Variants in STK31 observed in about 807,000 individuals in gnomAD.
The protein encoded by STK31 is serine/threonine-protein kinase 31.
A neutral mutation model predicts 129.7 loss-of-function variants in STK31; 89 were observed. The ratio of observed to expected loss-of-function variants is 0.69; its 90% confidence interval spans 0.58 to 0.82. The LOEUF is 0.82. STK31 is among the 40% of genes least tolerant of loss of function. STK31 has a pLI of 0.00. For missense variants in STK31, 1,187 were observed against 1,176.4 expected, an observed-to-expected ratio of 1.01 and a Z score of -0.13; for synonymous variants, 448 against 395.3, an observed-to-expected ratio of 1.13 and a Z score of -1.58.
intron 16 of STK31, 21 bp from the exon 17 acceptor site, chr7:23,783,562 A>G (rs762580093): frequency 1.3e-6 from 2 of 1,569,664 alleles, no homozygotes; most frequent in Admixed American, 1.8e-5. Context: ...ACAGTTAAAA[A>G]CTTTTTTTTT....
intron 23 of STK31, among the ~76,000 whole-genome samples, chr7:23,831,656 T>G (rs1371882145): frequency 6.6e-6 from 1 of 152,244 alleles, no homozygotes; most frequent in Non-Finnish European, 1.5e-5. Context: ...GTTTCTTATT[T>G]TCTCTCTTAT....
chr7:23,817,031 CA>C (rs1319822885), intron 23 of STK31, among the ~76,000 whole-genome samples: 1 of 151,880 alleles, frequency 6.6e-6, no homozygotes, highest in Non-Finnish European at 1.5e-5. Context: ...ACTAAAAATA[CA>C]AAAAAATTAG....
intron 8 of STK31, among the ~76,000 whole-genome samples, chr7:23,749,899 C>T (rs944521946): frequency 6.6e-6 from 1 of 151,978 alleles, no homozygotes; most frequent in African/African-American, 2.4e-5. Flanking sequence ...TATTTACCTC[C>T]TCCCATGTGG....
At chr7:23,800,965 C>T (rs1792331517) in intron 22 of STK31, among the ~76,000 whole-genome samples, 1 of 152,112 alleles carries the variant, frequency 6.6e-6, no homozygotes, top group Non-Finnish European at 1.5e-5. Context: ...TGTTGCAGAA[C>T]ATTTGCATTG....
rs527284389 is a variant in STK31 at position 23,717,445 on chromosome 7, T to C, written c.151-36T>C. On this transcript the variant is annotated intron_variant, in intron 3 of 23. Coordinates refer to ENST00000355870, the MANE Select transcript of STK31 (RefSeq NM_031414.5). ...AAGCGTGTAACACTGTAAAATAATA[T>C]TTTACTGTATCTTATACTATATCTA... 2.3e-5 allele frequency: 33 copies of C among 1,440,418 alleles called. No homozygotes were observed. In the East Asian group the frequency reaches 6.1e-4, roughly 27 times the overall value. 89.2% of individuals were successfully genotyped at this position (1,440,418 alleles called of 1,614,324 possible).
At chr7:23,725,849 C>T (rs574468950) in intron 4 of STK31, 1 of 152,248 alleles carries the variant, frequency 6.6e-6, no homozygotes, top group Admixed American at 6.5e-5. Context: ...TAAAAAAAGT[C>T]TTTTTGCTTT....
At chr7:23,814,782 A>G (rs1479907238) in intron 22 of STK31, among the ~76,000 whole-genome samples, 1 of 152,064 alleles carries the variant, frequency 6.6e-6, no homozygotes, top group Non-Finnish European at 1.5e-5. Context: ...TCTTGAACAA[A>G]GTTTAGATAT....
At chr7:23,712,369 A>G in intron 3 of STK31, 83 bp downstream of exon 3, 2 of 1,290,926 alleles carry the variant, frequency 1.5e-6, no homozygotes, top group South Asian at 1.2e-5. Flanking sequence ...AAACCCAGGA[A>G]TAAATACATT....
intron 11 of STK31, among the ~76,000 whole-genome samples, chr7:23,766,305 C>T (rs1381842667): frequency 2.0e-5 from 3 of 152,100 alleles, no homozygotes; most frequent in Non-Finnish European, 4.4e-5. Context: ...CTCTTTCACC[C>T]AGGCTGGAGT....
At position 23,746,780 on chromosome 7, in the gene STK31, A is replaced by G. The variant is rs187826581; in HGVS notation, c.1018-5937A>G. Among the ~76,000 whole-genome samples the G allele has an allele frequency of 2.6e-3, 399 of 152,250 alleles. 12 individuals are homozygous for G. In the South Asian group the frequency reaches 0.044, roughly 17 times the overall value. ...TGGTCTTGTCTCACAGGTGACAGAGATGGAAGAGGTGGAGGGATAAATAAG... is the reference window on the plus strand; with the variant it reads ...TGGTCTTGTCTCACAGGTGACAGAGGTGGAAGAGGTGGAGGGATAAATAAG... On this transcript the variant is annotated intron_variant, in intron 8 of 23. Transcript: ENST00000355870.
At chr7:23,825,331 G>A (rs1794068386) in intron 23 of STK31, among the ~76,000 whole-genome samples, 1 of 152,154 alleles carries the variant, frequency 6.6e-6, no homozygotes, top group African/African-American at 2.4e-5. Flanking sequence ...TCTTGGGAGT[G>A]TGTATGTGTC....
chr7:23,770,639 G>C (rs891736653), intron 13 of STK31, among the ~76,000 whole-genome samples: 4 of 152,086 alleles, frequency 2.6e-5, no homozygotes, highest in Admixed American at 2.0e-4. Flanking sequence ...TAGAGAGACA[G>C]TGTCTTGCTC....
At chr7:23,741,743 G>C (rs1009536831) in intron 8 of STK31, among the ~76,000 whole-genome samples, 5 of 152,204 alleles carry the variant, frequency 3.3e-5, no homozygotes, top group Non-Finnish European at 4.4e-5. Context: ...TCTCAGGTGA[G>C]CAGTGTGGAT....
intron 8 of STK31, among the ~76,000 whole-genome samples, chr7:23,750,067 T>TCTCCCCCCCCC (rs1788612132): frequency 1.1e-5 from 1 of 90,556 alleles, no homozygotes; most frequent in South Asian, 4.6e-4. Context: ...ATGGTTTGTT[T>TCTCCCCCCCCC]CCCCCCCCGC....
intron 15 of STK31, among the ~76,000 whole-genome samples, chr7:23,777,901 C>G (rs1046391746): frequency 1.3e-5 from 2 of 151,832 alleles, no homozygotes; most frequent in South Asian, 4.2e-4. Context: ...GTTATTTTGC[C>G]CATTAGTTGA....
chr7:23,814,226 A>G (rs769109267), intron 22 of STK31, among the ~76,000 whole-genome samples: 17 of 136,192 alleles, frequency 1.2e-4, no homozygotes, highest in Non-Finnish European at 2.1e-4. Flanking sequence ...GGGGTCTTCA[A>G]CTAGTTTTTC....
intron 8 of STK31, among the ~76,000 whole-genome samples, chr7:23,749,788 T>C (rs1466728409): frequency 2.0e-5 from 3 of 152,204 alleles, no homozygotes; most frequent in African/African-American, 7.2e-5. Context: ...TCTCAGTCTT[T>C]TTGTGAGTCT....
chr7:23,748,108 A>G (rs993754762), intron 8 of STK31, among the ~76,000 whole-genome samples: 19 of 152,184 alleles, frequency 1.2e-4, no homozygotes, highest in Non-Finnish European at 2.4e-4. Flanking sequence ...ATTTTTGTCA[A>G]TGCACTGCCT....
At chr7:23,818,845 G>C (rs1256727163) in intron 23 of STK31, among the ~76,000 whole-genome samples, 1 of 152,022 alleles carries the variant, frequency 6.6e-6, no homozygotes, top group Non-Finnish European at 1.5e-5. Flanking sequence ...GGTTGGTCTT[G>C]AACTCTTGAC....
Sources: allele counts gnomAD v4.1 joint callset (sites outside exome capture counted in the v4.1 genomes callset), GRCh38; gene constraint gnomAD v4.1.1; transcripts MANE v1.5; gene names NCBI Gene and HGNC (gene_info 2026-07-23, HGNC 2026-07-21).